Variants in RTKN2 observed in about 807,000 individuals in gnomAD.
The protein encoded by RTKN2 is rhotekin-2.
A neutral mutation model predicts 71.5 loss-of-function variants in RTKN2; 69 were observed. The ratio of observed to expected loss-of-function variants is 0.96; its 90% CI spans 0.79 to 1.18. The LOEUF (loss-of-function observed/expected upper bound fraction) is 1.18, where lower values mean the gene tolerates loss of function less well. Ranked by LOEUF, RTKN2 falls within the 50% of genes most tolerant of loss-of-function variation. The probability of loss-of-function intolerance (pLI) is 0.00; values close to 1 mark genes in which losing one functional copy is unlikely to be tolerated. For missense variants in RTKN2, 724 were observed against 719.7 expected, an observed-to-expected ratio of 1.01 and a Z score of -0.07; for synonymous variants, 236 against 236.5, an observed-to-expected ratio of 1.00 and a Z score of 0.02.
intron 9 of RTKN2, among the ~76,000 whole-genome samples, chr10:62,207,575 A>T (rs1297615180): frequency 1.3e-5 from 2 of 152,136 alleles, no homozygotes; most frequent in African/African-American, 4.8e-5. Flanking sequence ...GGAAGTGATT[A>T]GAAAACACTA....
intron 7 of RTKN2, 75 bp from the exon 8 acceptor site, chr10:62,218,376 T>G: frequency 1.0e-6 from 1 of 994,878 alleles, no homozygotes; most frequent in Non-Finnish European, 1.5e-6. Flanking sequence ...ACATTTTGAT[T>G]TTTCTCTTTT....
intron 2 of RTKN2, among the ~76,000 whole-genome samples, chr10:62,258,225 G>A (rs797006139): frequency 3.3e-5 from 5 of 152,322 alleles, no homozygotes; most frequent in African/African-American, 7.2e-5. Flanking sequence ...ATATGCAGCA[G>A]TTAAGTCAAT....
chr10:62,234,299 C>T (rs549579418), intron 6 of RTKN2, among the ~76,000 whole-genome samples: 2 of 151,924 alleles, frequency 1.3e-5, no homozygotes, highest in African/African-American at 4.8e-5. Context: ...CTGAGGCAAG[C>T]GGATTGCTTG....
intron 5 of RTKN2, chr10:62,238,696 C>T (rs1842308688): frequency 6.6e-6 from 1 of 151,836 alleles, no homozygotes; most frequent in South Asian, 2.1e-4. Flanking sequence ...TAACTCAGAA[C>T]AATGCATTTT....
At chr10:62,233,108 T>C (rs1400675187) in intron 6 of RTKN2, among the ~76,000 whole-genome samples, 2 of 152,226 alleles carry the variant, frequency 1.3e-5, no homozygotes, top group Admixed American at 6.5e-5. Flanking sequence ...AGTGATTGTG[T>C]ATGAACATCT....
intron 7 of RTKN2, among the ~76,000 whole-genome samples, chr10:62,220,010 AT>A (rs1841870253): frequency 1.3e-5 from 2 of 152,202 alleles, no homozygotes; most frequent in Non-Finnish European, 2.9e-5. Context: ...CATAAAAATG[AT>A]TTTTAAAGTT....
chr10:62,246,003 T>C lies in RTKN2; in HGVS notation c.312A>G (p.Ile104Met), dbSNP rs938222590. Residue 104 changes from isoleucine to methionine, a missense_variant, in exon 3 of 12, where the codon ATA (isoleucine) becomes ATG (methionine). By Grantham distance (10) the Ile-to-Met change is conservative (BLOSUM62 1). Transcript: ENST00000373789. ...AAAGATTCATTTATAGCATACCTGA[T>C]ATGGCAATCTTTCCTTTACATGCTG... Reference protein sequence around the residue: ...ERTACKGKIAISDIRIPLMWK... With the variant: ...ERTACKGKIAMSDIRIPLMWK... The C allele has an allele frequency of 1.3e-6, 2 of 1,577,538 alleles. No individual in the cohort carries two copies. Among genetic ancestry groups the C allele is most frequent in the African/African-American group, 2.7e-5 (2 of 73,674 alleles).
At chr10:62,239,527 T>G (rs1842327132) in intron 5 of RTKN2, 121 bp downstream of exon 5, 2 of 508,670 alleles carry the variant, frequency 3.9e-6, no homozygotes, top group South Asian at 7.0e-5. Context: ...ATATTAAACA[T>G]TTAAAGATCA....
chr10:62,210,018 A>G (rs141260397), intron 9 of RTKN2, among the ~76,000 whole-genome samples: 48 of 152,306 alleles, frequency 3.2e-4, no homozygotes, highest in East Asian at 1.4e-3. Flanking sequence ...ATCTGTCTTT[A>G]GGTCTTTGAG....
At chr10:62,237,413 TGA>T (rs1335689504) in intron 5 of RTKN2, among the ~76,000 whole-genome samples, 2 of 151,946 alleles carry the variant, frequency 1.3e-5, no homozygotes, top group Non-Finnish European at 2.9e-5. Context: ...CTAAATGGCC[TGA>T]GAGAGTTACC....
At chr10:62,238,752 T>C (rs1842309795) in intron 5 of RTKN2, 1 of 151,948 alleles carries the variant, frequency 6.6e-6, no homozygotes, top group Non-Finnish European at 1.5e-5. Flanking sequence ...GACCAGAAGC[T>C]ACAAAATATG....
chr10:62,241,236 G>GT, intron 3 of RTKN2, 41 bp from the exon 4 acceptor site: 1 of 1,328,624 alleles, frequency 7.5e-7, no homozygotes, highest in East Asian at 2.3e-5. Flanking sequence ...AATAATTTTG[G>GT]TAAGTTTTAT....
At chr10:62,234,110 A>T (rs1328014156) in intron 6 of RTKN2, among the ~76,000 whole-genome samples, 2 of 152,204 alleles carry the variant, frequency 1.3e-5, no homozygotes, top group African/African-American at 4.8e-5. Flanking sequence ...TCAGAAAGCA[A>T]AAAAGCTATC....
At chr10:62,238,309 T>C (rs1465762059) in intron 5 of RTKN2, 6 of 152,010 alleles carry the variant, frequency 3.9e-5, no homozygotes, top group Non-Finnish European at 5.9e-5. Context: ...TTTTTCAACA[T>C]GTAGAACATT....
rs1045779123 is a variant in RTKN2, at chr10:62,245,963, T to G, written c.316+36A>C. The G allele has an allele frequency of 5.3e-6, 7 of 1,317,896 alleles. No homozygotes were observed. In the African/African-American group the frequency reaches 1.0e-4, roughly 20 times the overall value. The allele number at this position is 1,317,896 out of a possible 1,614,324, so 81.6% of individuals were successfully genotyped here. A position where few individuals can be genotyped will look rare whatever the true frequency, so the allele number is the denominator to read the frequency against. On this transcript the variant is annotated intron_variant, in intron 3 of 11. Coordinates refer to ENST00000373789, the MANE Select transcript of RTKN2 (RefSeq NM_145307.4). ...CCACCATGTAGTTACGTTATAGAAT[T>G]TATTCAGCAATATAAAAGATTCATT...
chr10:62,199,520 C>G (rs1172325775), intron 11 of RTKN2, among the ~76,000 whole-genome samples: 1 of 152,214 alleles, frequency 6.6e-6, no homozygotes, highest in Admixed American at 6.5e-5. Context: ...CATTTTAAGC[C>G]TTAAATTTTT....
At position 62,196,681 on chromosome 10, in the gene RTKN2, A is replaced by C. The variant is rs1006947204; in HGVS notation, c.*1227T>G. 53 of 985,162 alleles carry C rather than the reference A, an allele frequency of 5.4e-5. No homozygotes were observed. The East Asian group carries it at 2.4e-3, about 44-fold the overall frequency. The allele number at this position is 985,162 out of a possible 1,614,324, so 61.0% of individuals were successfully genotyped here. On this transcript the variant is annotated 3_prime_UTR_variant, in exon 12 of 12. Transcript: ENST00000373789. Reference sequence around the variant, plus strand: ...TTAAATTTTTATTTCTTGCAATGACATTTAGGGTTCAGTGTGATTTGAGAT... The same window carrying C: ...TTAAATTTTTATTTCTTGCAATGACCTTTAGGGTTCAGTGTGATTTGAGAT...
intron 2 of RTKN2, among the ~76,000 whole-genome samples, chr10:62,250,764 G>C (rs574074178): frequency 2.6e-5 from 4 of 152,198 alleles, no homozygotes; most frequent in South Asian, 2.1e-4. Flanking sequence ...TGAGTAGCTG[G>C]GACTACAGGC....
At chr10:62,216,224 T>C (rs1841766902) in intron 9 of RTKN2, among the ~76,000 whole-genome samples, 1 of 152,020 alleles carries the variant, frequency 6.6e-6, no homozygotes, top group Admixed American at 6.6e-5. Context: ...TACATTCTTC[T>C]TTAAAGGATA....
Sources: allele counts gnomAD v4.1 joint callset (sites outside exome capture counted in the v4.1 genomes callset), GRCh38; gene constraint gnomAD v4.1.1; transcripts MANE v1.5; gene names NCBI Gene and HGNC (gene_info 2026-07-23, HGNC 2026-07-21).